Variants in ANKHD1 observed in about 807,000 individuals in gnomAD.
The protein encoded by ANKHD1 is ankyrin repeat and KH domain containing 1.
ANKHD1 carries 31 observed loss-of-function variants against 230.5 expected under a neutral mutation model. The ratio of observed to expected loss-of-function variants is 0.13; its 90% CI spans 0.10 to 0.18. The LOEUF (loss-of-function observed/expected upper bound fraction) is 0.18, where lower values mean the gene tolerates loss of function less well. Among genes scored for constraint, ANKHD1 ranks in the 10% least tolerant of loss-of-function variants. The pLI is 1.00. For synonymous variants in ANKHD1, 1,074 were observed against 1,117.6 expected, an observed-to-expected ratio of 0.96 and a Z score of 0.78; for missense variants, 2,256 against 3,071.3, an observed-to-expected ratio of 0.73 and a Z score of 6.27.
intron 24 of ANKHD1, among the ~76,000 whole-genome samples, chr5:140,521,404 G>A (rs1753342993): frequency 6.6e-6 from 1 of 152,172 alleles, no homozygotes; most frequent in Admixed American, 6.5e-5. Context: ...GGAGGCTGAG[G>A]CAGGAGGATC....
chr5:140,428,500 G>C (rs1772736866), intron 1 of ANKHD1, among the ~76,000 whole-genome samples: 1 of 152,258 alleles, frequency 6.6e-6, no homozygotes, highest in Non-Finnish European at 1.5e-5. Context: ...GTCAGGCGTG[G>C]TGGCGCACGC....
intron 10 of ANKHD1, chr5:140,465,279 A>G (rs983567340): frequency 1.3e-5 from 2 of 152,228 alleles, no homozygotes; most frequent in Non-Finnish European, 2.9e-5. Context: ...CTGATTAGAC[A>G]TTTCAAAACA....
rs1408708739 is a variant in ANKHD1, at chr5:140,529,685, T to A, written c.6739T>A (p.Ser2247Thr). ...VATDASFTVQSAFLGNSVLGH... is the reference protein window; with the variant it reads ...VATDASFTVQTAFLGNSVLGH... Reference sequence around the variant, plus strand: ...TACAGATGCCTCTTTCACTGTTCAGTCAGCGTTCCTGGGTAACTCAGTGCT... The same window carrying A: ...TACAGATGCCTCTTTCACTGTTCAGACAGCGTTCCTGGGTAACTCAGTGCT... The change falls in exon 29 of 34, where the codon TCA becomes ACA. Residue 2247 changes from serine (S) to threonine (T), a missense_variant. Physicochemically the swap from Ser to Thr is moderately conservative, Grantham distance 58. Around this residue, in one of 13 missense-constraint regions of ANKHD1, gnomAD observed 778 missense variants for 966.5 expected, o/e 0.80. Coordinates refer to ENST00000360839, the MANE Select transcript of ANKHD1 (RefSeq NM_017747.3). The A allele has an allele frequency of 3.1e-6, 5 of 1,614,198 alleles. No individual in the cohort carries two copies. Among genetic ancestry groups the A allele is most frequent in the Non-Finnish European group, 4.2e-6 (5 of 1,180,042 alleles).
chr5:140,489,313 C>G (rs1183510955), intron 14 of ANKHD1, among the ~76,000 whole-genome samples: 1 of 151,874 alleles, frequency 6.6e-6, no homozygotes, highest in East Asian at 1.9e-4. Flanking sequence ...CATAGGAGAA[C>G]TTGTCTCTAT....
intron 1 of ANKHD1, among the ~76,000 whole-genome samples, chr5:140,427,599 TG>T (rs1189219904): frequency 7.6e-6 from 1 of 131,130 alleles, no homozygotes; most frequent in African/African-American, 2.9e-5. Flanking sequence ...GGCGGGGGGC[TG>T]ACGCCCCCAC....
intron 1 of ANKHD1, among the ~76,000 whole-genome samples, chr5:140,427,218 C>T (rs568552745): frequency 8.9e-5 from 13 of 146,754 alleles, no homozygotes; most frequent in East Asian, 4.2e-4. Flanking sequence ...CCAGTAGGGG[C>T]GGCCGGGCAG....
chr5:140,486,682 G>A, intron 13 of ANKHD1: 1 of 213,870 alleles, frequency 4.7e-6, no homozygotes, highest in Non-Finnish European at 9.4e-6. Flanking sequence ...TGTACCCCTA[G>A]CTACAATTGG....
chr5:140,436,516 C>T (rs1773455561), intron 2 of ANKHD1, among the ~76,000 whole-genome samples: 2 of 152,122 alleles, frequency 1.3e-5, no homozygotes, highest in Non-Finnish European at 2.9e-5. Flanking sequence ...GAGGCTGAGG[C>T]AGGCGGATTG....
chr5:140,494,851 A>T (rs1182219964), intron 14 of ANKHD1, among the ~76,000 whole-genome samples: 1 of 152,210 alleles, frequency 6.6e-6, no homozygotes, highest in African/African-American at 2.4e-5. Context: ...AAAATAATAG[A>T]TAACTTTTTT....
intron 22 of ANKHD1, among the ~76,000 whole-genome samples, chr5:140,510,873 A>C (rs541770477): frequency 1.6e-4 from 25 of 151,966 alleles, no homozygotes; most frequent in African/African-American, 5.3e-4. Flanking sequence ...ACCAGGCTGG[A>C]GTGCAGTGGC....
At chr5:140,442,460 A>C (rs1421584002) in intron 5 of ANKHD1, among the ~76,000 whole-genome samples, 1 of 152,026 alleles carries the variant, frequency 6.6e-6, no homozygotes, top group Non-Finnish European at 1.5e-5. Context: ...AAACTGTTTC[A>C]CCTCAGATAG....
At chr5:140,434,163 C>G (rs1773269208) in intron 1 of ANKHD1, among the ~76,000 whole-genome samples, 1 of 151,956 alleles carries the variant, frequency 6.6e-6, no homozygotes, top group African/African-American at 2.4e-5. Context: ...AATTGATGAC[C>G]AACTAGCCAG....
At chr5:140,432,950 C>A (rs192281951) in intron 1 of ANKHD1, among the ~76,000 whole-genome samples, 4 of 152,114 alleles carry the variant, frequency 2.6e-5, no homozygotes, top group Admixed American at 6.5e-5. Context: ...TGATCCCCCC[C>A]ACCCTGGCTT....
intron 7 of ANKHD1, among the ~76,000 whole-genome samples, chr5:140,451,509 T>A (rs747954837): frequency 2.0e-5 from 3 of 152,190 alleles, no homozygotes; most frequent in Non-Finnish European, 4.4e-5. Flanking sequence ...AAGGTTTCTT[T>A]ATTTAATTCT....
intron 10 of ANKHD1, chr5:140,472,477 A>G: frequency 7.6e-7 from 1 of 1,320,568 alleles, no homozygotes; most frequent in East Asian, 3.0e-5. Context: ...TATTGCTGGT[A>G]GTTTGTTTCC....
At chr5:140,429,607 C>T (rs1006065493) in intron 1 of ANKHD1, among the ~76,000 whole-genome samples, 1 of 151,984 alleles carries the variant, frequency 6.6e-6, no homozygotes, top group Admixed American at 6.5e-5. Flanking sequence ...GACCACAGGA[C>T]TAGAGAATAC....
Position 140,528,976 on chromosome 5 carries a change from A to G in ANKHD1, c.6030A>G (p.Gln2010=), listed in dbSNP as rs754205982. The G allele has an allele frequency of 6.8e-6, 11 of 1,614,206 alleles. No individual in the cohort carries two copies. In the Admixed American group the frequency reaches 1.7e-4, roughly 24 times the overall value. Residue 2010 remains glutamine, a synonymous_variant, in exon 29 of 34, where the codon CAA becomes CAG. Transcript: ENST00000360839. ...PTTFLPASTS[Q]AQLSSQKMES... ...CATTTCTACCTGCAAGTACTTCTCA[A>G]GCACAGCTTTCTTCACAAAAGATGG...
At chr5:140,478,969 TTTTTA>T (rs1561781363) in intron 10 of ANKHD1, among the ~76,000 whole-genome samples, 1 of 143,614 alleles carries the variant, frequency 7.0e-6, no homozygotes, top group African/African-American at 2.6e-5. Context: ...TCTTTCTTTA[TTTTTA>T]TTTTATTTAT....
chr5:140,479,801 GAATC>G (rs1751182455), intron 10 of ANKHD1, among the ~76,000 whole-genome samples: 1 of 149,434 alleles, frequency 6.7e-6, no homozygotes, highest in Non-Finnish European at 1.5e-5. Flanking sequence ...TATATAATGG[GAATC>G]AATGGGAATA....
Sources: gnomAD v4.1 joint callset for allele counts (sites outside exome capture counted in the v4.1 genomes callset) on GRCh38, gnomAD v4.1.1 for gene constraint, gnomAD v4.1.1 regional missense constraint, MANE v1.5 for transcripts, NCBI Gene and HGNC (gene_info 2026-07-23, HGNC 2026-07-21) for gene names.